The following PLCH2 variants were observed in gnomAD, a reference collection of about 807,000 sequenced individuals.
PLCH2 encodes phospholipase C eta 2, also known as 1-phosphatidylinositol 4,5-bisphosphate phosphodiesterase eta-2.
In PLCH2, 98 loss-of-function variants were observed where a neutral mutation model predicts 134.7. That is an observed-to-expected ratio of 0.73 (90% CI 0.62 to 0.86). PLCH2 has a LOEUF of 0.86. Ranked by LOEUF, PLCH2 falls within the 40% of genes least tolerant of loss-of-function variation. The probability of loss-of-function intolerance (pLI) is 0.00; values close to 1 mark genes in which losing one functional copy is unlikely to be tolerated. For synonymous variants in PLCH2, 974 were observed against 827.5 expected (o/e 1.18, Z -3.04); for missense variants, 1,994 against 1,986.6 (o/e 1.00, Z -0.07).
intron 19 of PLCH2, 111 bp from the exon 20 acceptor site, chr1:2,499,530 C>A: frequency 1.2e-6 from 1 of 844,988 alleles, no homozygotes; most frequent in Non-Finnish European, 1.9e-6. Context: ...CAGGCCTGGG[C>A]TTGTTGGGTG....
intron 1 of PLCH2, among the ~76,000 whole-genome samples, chr1:2,428,487 G>A (rs1174356042): frequency 6.6e-6 from 1 of 152,262 alleles, no homozygotes; most frequent in African/African-American, 2.4e-5. Flanking sequence ...ATGGGGTCCT[G>A]CGTCTGGCTC....
At chr1:2,458,889 C>T (rs899416155) in intron 2 of PLCH2, among the ~76,000 whole-genome samples, 9 of 152,258 alleles carry the variant, frequency 5.9e-5, no homozygotes, top group African/African-American at 1.4e-4. Context: ...GGGATGTCCC[C>T]GTGCGCTGTG....
chr1:2,478,672 C>T (rs918242250), intron 2 of PLCH2, 50 bp downstream of exon 2: 9 of 1,541,066 alleles, frequency 5.8e-6, no homozygotes, highest in African/African-American at 2.7e-5. Flanking sequence ...TGGGGGGACA[C>T]GACGGTAGGG....
Position 2,489,375 on chromosome 1 carries a change from G to A in PLCH2, c.1404G>A (p.Val468=), listed in dbSNP as rs749606522. The part of the protein sequence containing the change: ...SPQMLKGKIL[V]KGKKLPANIS... ...AGATGCTCAAGGGCAAGATCCTCGT[G>A]AAGGTGAGTGAGCCCCTGCCCTCCT... The change falls in exon 9 of 22, where the codon GTG becomes GTA. Residue 468 remains valine, a synonymous_variant. Transcript: ENST00000378486. 6.2e-7 allele frequency: 1 copy of A among 1,613,490 alleles called. No individual in the cohort carries two copies. The highest frequency in any genetic ancestry group is 1.7e-5 in the Admixed American group (1 of 60,018).
Position 2,487,630 on chromosome 1 carries a change from A to G in PLCH2, c.1147A>G (p.Ile383Val). Residue 383 changes from isoleucine (I) to valine (V), a missense_variant, in exon 8 of 22, where the codon ATT (isoleucine) becomes GTT (valine). Ile to Val is a conservative substitution (Grantham distance 29, BLOSUM62 3). Coordinates refer to ENST00000378486, the MANE Select transcript of PLCH2 (RefSeq NM_014638.4). The part of the protein sequence containing the change: ...DCWDGPDGEP[I>V]VHHGYTLTSK... ...CTGGGATGGGCCCGACGGGGAGCCC[A>G]TTGTGCACCATGGCTACACTCTGAC... 1.9e-6 allele frequency: 3 copies of G among 1,613,370 alleles called. No homozygotes were observed. The highest frequency in any genetic ancestry group is 1.7e-6 in the Non-Finnish European group (2 of 1,179,822).
In PLCH2 at chr1:2,487,390, C is replaced by A; in HGVS notation, c.1114+14C>A. ...GCTGCGTGGAGGGTAAGCCCTGGAC[C>A]TTGGGTGACGGCCGTGGGCTGGCAT... is the stretch of plus-strand genomic sequence containing the variant. On this transcript the variant is annotated intron_variant, in intron 7 of 21. Coordinates refer to ENST00000378486, the MANE Select transcript of PLCH2 (RefSeq NM_014638.4). 1 of 1,607,588 alleles carries A rather than the reference C, an allele frequency of 6.2e-7. No homozygotes were observed. The highest frequency in any genetic ancestry group is 1.3e-5 in the African/African-American group (1 of 74,948).
At chr1:2,428,703 G>A (rs923855752) in intron 1 of PLCH2, among the ~76,000 whole-genome samples, 4 of 152,384 alleles carry the variant, frequency 2.6e-5, no homozygotes, top group African/African-American at 9.6e-5. Context: ...AACTGCTCAG[G>A]AACCTGCCGG....
chr1:2,426,308 T>C (rs749378650), intron 1 of PLCH2, among the ~76,000 whole-genome samples: 26 of 152,256 alleles, frequency 1.7e-4, no homozygotes, highest in Admixed American at 3.3e-4. Context: ...GCAGTGTCTA[T>C]GGCCCCGTGT....
intron 2 of PLCH2, among the ~76,000 whole-genome samples, chr1:2,437,762 C>T (rs1341679860): frequency 1.3e-5 from 2 of 152,248 alleles, no homozygotes; most frequent in African/African-American, 2.4e-5. Flanking sequence ...CATACGTGCA[C>T]ACACATATGT....
At chr1:2,469,162 A>T (rs973511060) in intron 1 of PLCH2, among the ~76,000 whole-genome samples, 2 of 152,084 alleles carry the variant, frequency 1.3e-5, no homozygotes, top group Non-Finnish European at 2.9e-5. Context: ...GCCTGCAGAG[A>T]GCTCCCTGGA....
At chr1:2,437,454 C>T (rs1639479186) in intron 2 of PLCH2, among the ~76,000 whole-genome samples, 1 of 145,382 alleles carries the variant, frequency 6.9e-6, no homozygotes, top group African/African-American at 2.5e-5. Flanking sequence ...GGCCTCCCTG[C>T]TGGGCAAATA....
intron 5 of PLCH2, 96 bp downstream of exon 5, chr1:2,484,714 GA>G: frequency 7.3e-7 from 1 of 1,362,630 alleles, no homozygotes; most frequent in Non-Finnish European, 1.0e-6. Flanking sequence ...GGTGATGGGG[GA>G]GCTGTCTGAA....
In PLCH2 at chr1:2,493,418, C is replaced by T. The variant is rs577267282; in HGVS notation, c.1660-1438C>T. The T allele has an allele frequency of 3.9e-3, 593 of 152,372 alleles. 2 individuals carry two copies. The highest frequency in any genetic ancestry group is 3.9e-3 in the Non-Finnish European group (266 of 68,056). 9.4% of individuals were successfully genotyped at this position (152,372 alleles called of 1,614,324 possible). ...TGGCACCAATAAATTCAGAGGAAAC[C>T]GGGGCTGGCTTTTCTGGAGGTGGAG... is the stretch of plus-strand genomic sequence containing the variant. On this transcript the variant is annotated intron_variant, in intron 11 of 21. Transcript: ENST00000378486.
At chr1:2,460,261 C>T (rs1343835672) in intron 2 of PLCH2, among the ~76,000 whole-genome samples, 6 of 152,256 alleles carry the variant, frequency 3.9e-5, no homozygotes. Context: ...CCGGGTTCCC[C>T]CAAGAGCTAG....
intron 2 of PLCH2, among the ~76,000 whole-genome samples, chr1:2,443,837 C>T (rs866701628): frequency 1.7e-4 from 26 of 149,128 alleles, no homozygotes; most frequent in African/African-American, 6.1e-4. Context: ...CCGCGGGAGC[C>T]GGAGCCCCAG....
intron 13 of PLCH2, among the ~76,000 whole-genome samples, chr1:2,495,971 G>A (rs1245713469): frequency 6.6e-6 from 1 of 152,126 alleles, no homozygotes; most frequent in Non-Finnish European, 1.5e-5. Context: ...CGTGTCGGAG[G>A]CCTTCCTCAG....
chr1:2,494,330 A>G, intron 11 of PLCH2: 1 of 176,252 alleles, frequency 5.7e-6, no homozygotes, highest in Non-Finnish European at 1.2e-5. Context: ...AGGAAGGCTC[A>G]CAGTGGTTTC....
intron 21 of PLCH2, chr1:2,503,410 G>C: frequency 1.7e-6 from 1 of 592,282 alleles, no homozygotes; most frequent in South Asian, 2.0e-5. Flanking sequence ...CTGCGCCCCT[G>C]GGACGCCTGG....
chr1:2,446,329 A>G (rs890926349), intron 2 of PLCH2, among the ~76,000 whole-genome samples: 1 of 151,974 alleles, frequency 6.6e-6, no homozygotes, highest in African/African-American at 2.4e-5. Flanking sequence ...CCCCCTATTC[A>G]CTTGTGGCTC....
Sources: gnomAD v4.1 joint callset for allele counts (sites outside exome capture counted in the v4.1 genomes callset) on GRCh38, gnomAD v4.1.1 for gene constraint, MANE v1.5 for transcripts, NCBI Gene and HGNC (gene_info 2026-07-23, HGNC 2026-07-21) for gene names.